The following PANK1 variants were observed in gnomAD, a reference collection of about 807,000 sequenced individuals.
PANK1 encodes pantothenate kinase 1.
A neutral mutation model predicts 40.1 loss-of-function variants in PANK1; 18 were observed. That is an observed-to-expected ratio of 0.45 (90% confidence interval 0.31 to 0.67). The LOEUF is 0.67. Ranked by LOEUF, PANK1 falls within the 30% of genes least tolerant of loss-of-function variation. The pLI is 0.06. For missense variants in PANK1, 457 were observed against 599.6 expected, an observed-to-expected ratio of 0.76 and a Z score of 2.48; for synonymous variants, 242 against 237.7, an observed-to-expected ratio of 1.02 and a Z score of -0.17.
intron 1 of PANK1, among the ~76,000 whole-genome samples, chr10:89,630,040 G>A (rs1041209945): frequency 1.1e-4 from 17 of 152,292 alleles, no homozygotes; most frequent in Admixed American, 3.9e-4. Context: ...CCATTTACTT[G>A]TTATGTAACT....
intron 2 of PANK1, among the ~76,000 whole-genome samples, chr10:89,606,245 C>T (rs1176480749): frequency 2.6e-5 from 4 of 152,158 alleles, no homozygotes; most frequent in Non-Finnish European, 5.9e-5. Context: ...AAGAGAGTTA[C>T]CCTGTCCCTT....
At chr10:89,610,132 GC>G (rs1845108351) in intron 2 of PANK1, among the ~76,000 whole-genome samples, 1 of 152,124 alleles carries the variant, frequency 6.6e-6, no homozygotes. Flanking sequence ...TATCTACGTA[GC>G]ACAAGAAGGC....
At chr10:89,588,803 T>C (rs765619321) in intron 5 of PANK1, 26 bp from the exon 6 acceptor site, 3 of 1,547,954 alleles carry the variant, frequency 1.9e-6, no homozygotes, top group Non-Finnish European at 1.7e-6. Context: ...AAGAAAACAA[T>C]TGAATCATGG....
At chr10:89,630,825 A>G (rs1441293782) in intron 1 of PANK1, among the ~76,000 whole-genome samples, 1 of 146,352 alleles carries the variant, frequency 6.8e-6, no homozygotes, top group Non-Finnish European at 1.6e-5. Flanking sequence ...GCTTTTAAAT[A>G]GTTAAAAAAA....
At chr10:89,631,499 T>A (rs1322732621) in intron 1 of PANK1, among the ~76,000 whole-genome samples, 1 of 152,232 alleles carries the variant, frequency 6.6e-6, no homozygotes, top group Non-Finnish European at 1.5e-5. Flanking sequence ...TATACCCTAA[T>A]TGTCTTCAGG....
At chr10:89,630,640 C>T (rs1345984048) in intron 1 of PANK1, among the ~76,000 whole-genome samples, 1 of 151,948 alleles carries the variant, frequency 6.6e-6, no homozygotes, top group Non-Finnish European at 1.5e-5. Context: ...CTACAGGCAC[C>T]CGTCACCTCG....
At chr10:89,642,314 T>C (rs1372973694) in intron 1 of PANK1, among the ~76,000 whole-genome samples, 2 of 152,244 alleles carry the variant, frequency 1.3e-5, no homozygotes, top group Non-Finnish European at 2.9e-5. Context: ...TACTACAAAA[T>C]AGAAACACAC....
intron 1 of PANK1, among the ~76,000 whole-genome samples, chr10:89,616,722 A>C (rs1280873895): frequency 6.6e-6 from 1 of 152,142 alleles, no homozygotes; most frequent in African/African-American, 2.4e-5. Flanking sequence ...GGAGTTCGAG[A>C]CCAGCCTGGC....
intron 5 of PANK1, chr10:89,592,599 C>G (rs576871838): frequency 2.3e-6 from 1 of 440,762 alleles, no homozygotes; most frequent in African/African-American, 2.0e-5. Context: ...AAGAGTTCTA[C>G]TTTATACACC....
At chr10:89,639,468 G>C (rs1841911271) in intron 1 of PANK1, among the ~76,000 whole-genome samples, 1 of 152,144 alleles carries the variant, frequency 6.6e-6, no homozygotes, top group Non-Finnish European at 1.5e-5. Flanking sequence ...CTAGGGTCCA[G>C]GCATGGTACT....
intron 1 of PANK1, among the ~76,000 whole-genome samples, chr10:89,640,619 G>A (rs908512720): frequency 3.3e-5 from 5 of 152,140 alleles, no homozygotes; most frequent in African/African-American, 1.2e-4. Flanking sequence ...AGCATATGTA[G>A]TTAAATATAT....
chr10:89,634,838 C>T (rs1440430318), intron 1 of PANK1, among the ~76,000 whole-genome samples: 4 of 152,174 alleles, frequency 2.6e-5, no homozygotes. Context: ...CACTCTCAGA[C>T]AGGGTATGCT....
At chr10:89,644,508 C>T (rs1179744472) in intron 1 of PANK1, 92 bp downstream of exon 1, 2 of 1,126,886 alleles carry the variant, frequency 1.8e-6, no homozygotes, top group Admixed American at 5.2e-5. Context: ...GCGCACGGGG[C>T]GTGCTGCGGC....
intron 2 of PANK1, among the ~76,000 whole-genome samples, chr10:89,602,769 T>G (rs1434703237): frequency 6.6e-6 from 1 of 152,202 alleles, no homozygotes; most frequent in African/African-American, 2.4e-5. Flanking sequence ...TGATAAGGAC[T>G]GTAGCAAACA....
intron 4 of PANK1, 103 bp from the exon 5 acceptor site, chr10:89,593,423 C>G (rs1844464561): frequency 7.7e-7 from 1 of 1,296,188 alleles, no homozygotes. Context: ...TGTTCAAACT[C>G]AAGTGATCCA....
chr10:89,581,955 C>G (rs1472773746), downstream of PANK1: 1 of 152,198 alleles, frequency 6.6e-6, no homozygotes, highest in Admixed American at 6.5e-5. Flanking sequence ...CATCTCCATA[C>G]TAACATGGGT....
At chr10:89,623,303 G>A (rs991463799) in intron 1 of PANK1, among the ~76,000 whole-genome samples, 15 of 152,078 alleles carry the variant, frequency 9.9e-5, no homozygotes, top group African/African-American at 3.4e-4. Flanking sequence ...CTCACTGCAA[G>A]CTCCGCCTCC....
chr10:89,608,996 C>T (rs911019601), intron 2 of PANK1, among the ~76,000 whole-genome samples: 3 of 152,146 alleles, frequency 2.0e-5, no homozygotes, highest in Non-Finnish European at 2.9e-5. Context: ...ACCCTGCCAG[C>T]ACTCCCTATC....
intron 1 of PANK1, among the ~76,000 whole-genome samples, chr10:89,642,769 T>C (rs1400593380): frequency 1.3e-5 from 2 of 152,218 alleles, no homozygotes; most frequent in African/African-American, 4.8e-5. Context: ...TAGGAACATG[T>C]AAAATTTATT....
Sources: gnomAD v4.1 joint callset for allele counts (sites outside exome capture counted in the v4.1 genomes callset) on GRCh38, gnomAD v4.1.1 for gene constraint, MANE v1.5 for transcripts, NCBI Gene and HGNC (gene_info 2026-07-23, HGNC 2026-07-21) for gene names.